PARP4: variants seen among roughly 807,000 people sequenced by gnomAD.
PARP4 encodes protein mono-ADP-ribosyltransferase PARP4.
PARP4 carries 120 observed loss-of-function variants against 187.7 expected under a neutral mutation model. The ratio of observed to expected loss-of-function variants is 0.64; its 90% CI spans 0.55 to 0.74. The LOEUF is 0.74. Ranked by LOEUF, PARP4 falls within the 30% of genes least tolerant of loss-of-function variation. The pLI is 0.00. For missense variants in PARP4, 1,836 were observed against 2,070.5 expected, an observed-to-expected ratio of 0.89 and a Z score of 2.20; for synonymous variants, 654 against 740.9, an observed-to-expected ratio of 0.88 and a Z score of 1.90.
Position 24,459,266 on chromosome 13 carries a change from T to G in PARP4, c.2343A>C (p.Gln781His). ...KICIKEIGTK[Q>H]SFSLTMSIEM... ...GGTTTTATATTTTAGGTACTAACCTTTGCTTTGTTCCTATTTCTTTTATAC... is the reference window on the plus strand; with the variant it reads ...GGTTTTATATTTTAGGTACTAACCTGTGCTTTGTTCCTATTTCTTTTATAC... Residue 781 changes from glutamine (Q) to histidine (H), a missense_variant and splice_region_variant, in exon 19 of 34, where the codon CAA becomes CAC. Transcript: ENST00000381989. 6.3e-7 allele frequency: 1 copy of G among 1,587,620 alleles called. No individual in the cohort carries two copies. The highest frequency in any genetic ancestry group is 8.6e-7 in the Non-Finnish European group (1 of 1,164,084).
At chr13:24,500,416 T>G (rs1869209852) in intron 3 of PARP4, 34 bp from the exon 4 acceptor site, 2 of 1,397,806 alleles carry the variant, frequency 1.4e-6, no homozygotes, top group East Asian at 4.7e-5. Flanking sequence ...ACTTGTTTAC[T>G]GCCCAAAGAC....
intron 25 of PARP4, among the ~76,000 whole-genome samples, chr13:24,448,566 A>C (rs970934238): frequency 2.0e-5 from 3 of 152,232 alleles, no homozygotes; most frequent in African/African-American, 7.2e-5. Flanking sequence ...CAGCATGGCA[A>C]TTCCCAAAAA....
chr13:24,506,466 T>C (rs1410657153), intron 1 of PARP4, among the ~76,000 whole-genome samples: 1 of 152,152 alleles, frequency 6.6e-6, no homozygotes, highest in Non-Finnish European at 1.5e-5. Flanking sequence ...CCCACCCACA[T>C]CCTGCTGATT....
intron 1 of PARP4, among the ~76,000 whole-genome samples, chr13:24,511,232 C>T (rs1195103751): frequency 6.6e-6 from 1 of 152,184 alleles, no homozygotes; most frequent in African/African-American, 2.4e-5. Context: ...CATCTCTAGT[C>T]TCTGTAAAAT....
At chr13:24,458,921 T>A (rs536013042) in intron 20 of PARP4, 123 bp downstream of exon 20, 1 of 706,208 alleles carries the variant, frequency 1.4e-6, no homozygotes, top group African/African-American at 1.8e-5. Flanking sequence ...GGGGCAGGAG[T>A]AGTGCTTCTT....
intron 10 of PARP4, among the ~76,000 whole-genome samples, chr13:24,489,990 G>A (rs541503691): frequency 6.6e-6 from 1 of 152,286 alleles, no homozygotes; most frequent in East Asian, 1.9e-4. Context: ...TTTGTTCTAA[G>A]GGCTGTGCCA....
chr13:24,474,704 C>G (rs1872895324), intron 15 of PARP4, among the ~76,000 whole-genome samples: 1 of 152,170 alleles, frequency 6.6e-6, no homozygotes, highest in African/African-American at 2.4e-5. Flanking sequence ...TTCTAGGGAA[C>G]TTGACCTAAC....
At position 24,501,657 on chromosome 13, in the gene PARP4, G is replaced by A. The variant is rs1205212832; in HGVS notation, c.310C>T (p.Pro104Ser). ...PYKPLDITPP[P>S]DQKASSSEVK... ...CCAGAACTGCTCGCCTTCTGATCAG[G>A]AGGTGGTGTGATGTCCAGGGGCTTA... The change falls in exon 3 of 34, where the codon CCT (proline) becomes TCT (serine). Residue 104 changes from proline to serine, a missense_variant. This residue lies in a region of PARP4 where 1,147 missense variants were observed against 1,214.2 expected (regional missense o/e 0.94). Coordinates refer to ENST00000381989, the MANE Select transcript of PARP4 (RefSeq NM_006437.4). 1.2e-6 allele frequency: 2 copies of A among 1,613,056 alleles called. No homozygotes were observed. The highest frequency in any genetic ancestry group is 2.2e-5 in the South Asian group (2 of 91,038).
chr13:24,426,420 T>A (rs780340102), intron 33 of PARP4, 46 bp downstream of exon 33: 2 of 1,402,986 alleles, frequency 1.4e-6, no homozygotes, highest in African/African-American at 1.5e-5. Flanking sequence ...ATTAAATAAA[T>A]AGTTGAAAAT....
In PARP4 at chr13:24,430,174, C is replaced by G. The variant is rs2497061; in HGVS notation, c.4846+1203G>C. On this transcript the variant is annotated intron_variant, in intron 32 of 33. Transcript: ENST00000381989. The stretch of plus-strand genomic sequence containing the variant: ...TCCAGGATCAAGCACTCACTCCTCA[C>G]GTAAATTGTCATCACCCCTTTTTGG... Among the ~76,000 whole-genome samples, 4 of 152,094 alleles carry G rather than the reference C, an allele frequency of 2.6e-5. No homozygotes were observed. In the South Asian group the frequency reaches 8.3e-4, roughly 32 times the overall value.
chr13:24,510,382 G>A (rs1256042130), intron 1 of PARP4, among the ~76,000 whole-genome samples: 1 of 151,798 alleles, frequency 6.6e-6, no homozygotes, highest in African/African-American at 2.4e-5. Context: ...GTGAAACCCC[G>A]TCTCTACTAA....
chr13:24,451,112 G>A lies in PARP4; in HGVS notation c.3014+1294C>T, dbSNP rs182033185. Among the ~76,000 whole-genome samples, 61 of 152,290 alleles carry A rather than the reference G, an allele frequency of 4.0e-4. 1 individual carries two copies. The South Asian group carries it at 0.012, about 31-fold the overall frequency. On this transcript the variant is annotated intron_variant, in intron 24 of 33. Coordinates refer to ENST00000381989, the MANE Select transcript of PARP4 (RefSeq NM_006437.4). Reference sequence around the variant, plus strand: ...TCTCCCAGCCCCAGAGTCGGGGCCCGATGTTCGTCCCAGAATAGGCCCTCA... The same window carrying A: ...TCTCCCAGCCCCAGAGTCGGGGCCCAATGTTCGTCCCAGAATAGGCCCTCA...
rs1001394882 is a variant in PARP4, at chr13:24,499,381, A to G, written c.402-5T>C. ...TCAACATTCTGCATACCAAACCTGAAATTTGTAGTGTATAATTAAAATTTT... is the reference window on the plus strand; with the variant it reads ...TCAACATTCTGCATACCAAACCTGAGATTTGTAGTGTATAATTAAAATTTT... On this transcript the variant is annotated splice_region_variant and splice_polypyrimidine_tract_variant and intron_variant, in intron 4 of 33. Transcript: ENST00000381989. 3 of 1,565,398 alleles carry G rather than the reference A, an allele frequency of 1.9e-6. No individual in the cohort carries two copies. In the African/African-American group the frequency reaches 4.2e-5, roughly 22 times the overall value.
intron 12 of PARP4, among the ~76,000 whole-genome samples, chr13:24,479,308 G>A (rs1457558711): frequency 6.6e-6 from 1 of 151,920 alleles, no homozygotes; most frequent in Non-Finnish European, 1.5e-5. Context: ...CTCCCCTTTG[G>A]AGGGCTCTTT....
At chr13:24,436,400 C>T (rs1416087591) in intron 30 of PARP4, among the ~76,000 whole-genome samples, 1 of 152,212 alleles carries the variant, frequency 6.6e-6, no homozygotes, top group Non-Finnish European at 1.5e-5. Flanking sequence ...AACTCCTGGG[C>T]TCAAGTGATC....
chr13:24,501,767 T>G lies in PARP4; in HGVS notation c.200A>C (p.Asn67Thr). ...ATCTGGGTTTGCAATATGAACGTGG[T>G]TCTTTTGGATAGAATTCAGTTGGTA... ...SQYQLNSIQK[N>T]HVHIANPDFI... Residue 67 changes from asparagine to threonine, a missense_variant, in exon 3 of 34, where the codon AAC becomes ACC. By Grantham distance (65) the Asn-to-Thr change is moderately conservative (BLOSUM62 0). Around this residue, in one of 8 missense-constraint regions of PARP4, gnomAD observed 1,147 missense variants for 1,214.2 expected, o/e 0.94. Coordinates refer to ENST00000381989, the MANE Select transcript of PARP4 (RefSeq NM_006437.4). 5.0e-6 allele frequency: 8 copies of G among 1,612,818 alleles called. No individual in the cohort carries two copies. The highest frequency in any genetic ancestry group is 6.8e-6 in the Non-Finnish European group (8 of 1,178,790).
chr13:24,490,533 T>C, intron 10 of PARP4, 135 bp downstream of exon 10: 1 of 709,394 alleles, frequency 1.4e-6, no homozygotes, highest in South Asian at 1.9e-5. Context: ...GAGAAGAAAG[T>C]AATGTGTCAT....
chr13:24,492,806 T>C (rs1256721638), intron 8 of PARP4, among the ~76,000 whole-genome samples: 1 of 152,236 alleles, frequency 6.6e-6, no homozygotes, highest in Non-Finnish European at 1.5e-5. Context: ...GGCTCAGTTT[T>C]ACTAGAAGAA....
At chr13:24,479,243 CTT>C (rs1327633491) in intron 12 of PARP4, among the ~76,000 whole-genome samples, 1 of 152,026 alleles carries the variant, frequency 6.6e-6, no homozygotes, top group Non-Finnish European at 1.5e-5. Context: ...GACGACCCTT[CTT>C]TGTTTCACCT....
Sources: allele counts gnomAD v4.1 joint callset (sites outside exome capture counted in the v4.1 genomes callset), GRCh38; gene constraint gnomAD v4.1.1; regional missense constraint gnomAD v4.1.1; transcripts MANE v1.5; gene names NCBI Gene and HGNC (gene_info 2026-07-23, HGNC 2026-07-21).